The following NPHP3 variants were observed in gnomAD, a reference collection of about 807,000 sequenced individuals.
NPHP3 encodes the protein nephrocystin 3, also known as nephrocystin-3.
Under a neutral mutation model 171.9 loss-of-function variants are expected in NPHP3, and 123 were observed. The ratio of observed to expected loss-of-function variants is 0.72; its 90% confidence interval spans 0.62 to 0.83. The LOEUF (loss-of-function observed/expected upper bound fraction) is 0.83. Ranked by LOEUF, NPHP3 falls within the 40% of genes least tolerant of loss-of-function variation. The probability of loss-of-function intolerance (pLI) is 0.00; values close to 1 mark genes in which losing one functional copy is unlikely to be tolerated. For synonymous variants in NPHP3, 558 were observed against 579.2 expected, an observed-to-expected ratio of 0.96 and a Z score of 0.52; for missense variants, 1,506 against 1,591.9, an observed-to-expected ratio of 0.95 and a Z score of 0.92.
chr3:132,692,752 C>T lies in NPHP3; in HGVS notation c.2377G>A (p.Glu793Lys), dbSNP rs761483276. ...SESELMELYP[E>K]MSWTFLTSLI... ...GAGGTCAAGAAAGTCCAGGACATCT[C>T]AGGATAGAGTTCCATCAGTTCTGAT... The change falls in exon 17 of 27, where the codon GAG (glutamate) becomes AAG (lysine). Residue 793 changes from glutamate (E) to lysine (K), a missense_variant. Transcript: ENST00000337331. 1.2e-6 allele frequency: 2 copies of T among 1,613,960 alleles called. 1 individual carries two copies. Among genetic ancestry groups the T allele is most frequent in the South Asian group, 2.2e-5 (2 of 91,074 alleles).
rs1939733849 is a variant in NPHP3 at position 132,705,868 on chromosome 3, T to G, written c.1276-54A>C. On this transcript the variant is annotated intron_variant, in intron 7 of 26. Coordinates refer to ENST00000337331, the MANE Select transcript of NPHP3 (RefSeq NM_153240.5). Reference sequence around the variant, plus strand: ...GAAAAACCATAATATCAGAAGGAAGTGGTGGTAAATACTTTTATACTGCTT... The same window carrying G: ...GAAAAACCATAATATCAGAAGGAAGGGGTGGTAAATACTTTTATACTGCTT... The G allele has an allele frequency of 4.2e-6, 4 of 944,098 alleles. No individual in the cohort carries two copies. The Admixed American group carries it at 7.2e-5, about 17-fold the overall frequency. 58.5% of individuals were successfully genotyped at this position (944,098 alleles called of 1,614,324 possible).
rs1940240950 is a variant in NPHP3 at position 132,721,994 on chromosome 3, G to C, written c.362C>G (p.Thr121Arg). ...SMGRREAKLD[T>R]ENKRLRAELQ... is the part of the protein sequence containing the mutation. Reference sequence around the variant, plus strand: ...TTCGGCCCGCAGCCGCTTGTTCTCCGTGTCCAGCTTGGCCTCGCGGCGGCC... The same window carrying C: ...TTCGGCCCGCAGCCGCTTGTTCTCCCTGTCCAGCTTGGCCTCGCGGCGGCC... The change falls in exon 1 of 27, where the codon ACG becomes AGG. Residue 121 changes from threonine to arginine, a missense_variant. Transcript: ENST00000337331. 2 of 1,613,166 alleles carry C rather than the reference G, an allele frequency of 1.2e-6. No individual in the cohort carries two copies. Among genetic ancestry groups the C allele is most frequent in the South Asian group, 2.2e-5 (2 of 91,082 alleles).
chr3:132,698,087 T>G (rs1048490268), intron 13 of NPHP3, among the ~76,000 whole-genome samples: 8 of 152,052 alleles, frequency 5.3e-5, no homozygotes, highest in South Asian at 2.1e-4. Context: ...GTTCAAGTGA[T>G]TCTCCTGTCT....
chr3:132,687,306 T>C (rs1560001374), intron 21 of NPHP3, 80 bp from the exon 22 acceptor site: 1 of 692,490 alleles, frequency 1.4e-6, no homozygotes, highest in East Asian at 2.7e-5. Flanking sequence ...ACTCTTTTCA[T>C]AGTGTAAAGT....
chr3:132,693,166 A>C, intron 16 of NPHP3: 1 of 223,892 alleles, frequency 4.5e-6, no homozygotes, highest in South Asian at 6.3e-5. Context: ...AACACGTATG[A>C]ATATCAGACA....
At position 132,701,428 on chromosome 3, in the gene NPHP3, A is replaced by T. The variant is rs1277862520; in HGVS notation, c.1628+2T>A. The stretch of plus-strand genomic sequence containing the variant: ...CAATAATTTAATTGCACTGCATCAT[A>T]CCACTTTGATAAAAGAAGAGACTTC... On this transcript the variant is annotated splice_donor_variant, in intron 10 of 26. Transcript: ENST00000337331. LOFTEE classifies it high-confidence loss of function. The T allele has an allele frequency of 1.3e-6, 2 of 1,579,522 alleles. No individual in the cohort carries two copies. Among genetic ancestry groups the T allele is most frequent in the Non-Finnish European group, 1.7e-6 (2 of 1,148,562 alleles).
At chr3:132,704,501 T>A (rs1939696298) in intron 8 of NPHP3, 130 bp from the exon 9 acceptor site, 1 of 778,044 alleles carries the variant, frequency 1.3e-6, no homozygotes, top group East Asian at 2.4e-5. Flanking sequence ...CTTTGTATAA[T>A]ACCTACAAGA....
chr3:132,696,210 G>A (rs570522387), intron 15 of NPHP3, among the ~76,000 whole-genome samples: 1 of 152,136 alleles, frequency 6.6e-6, no homozygotes, highest in East Asian at 1.9e-4. Context: ...TCTAACGGTT[G>A]AGAATAGATA....
intron 15 of NPHP3, chr3:132,695,298 T>C (rs1446988337): frequency 1.3e-5 from 3 of 233,272 alleles, no homozygotes; most frequent in Non-Finnish European, 2.6e-5. Flanking sequence ...GAAACGATGA[T>C]AAGTATTGTT....
intron 6 of NPHP3, chr3:132,712,447 A>G: frequency 2.2e-6 from 1 of 457,026 alleles, no homozygotes; most frequent in Non-Finnish European, 4.4e-6. Context: ...CAACTTTGCT[A>G]TTATAGTATG....
At position 132,701,523 on chromosome 3, in the gene NPHP3, C is replaced by T. The variant is rs370360273; in HGVS notation, c.1535G>A (p.Arg512His). 1.3e-5 allele frequency: 21 copies of T among 1,610,682 alleles called. No individual in the cohort carries two copies. Among genetic ancestry groups the T allele is most frequent in the South Asian group, 3.3e-5 (3 of 91,002 alleles). The change falls in exon 10 of 27, where the codon CGC becomes CAC. Residue 512 changes from arginine to histidine, a missense_variant. Around this residue, in one of 3 missense-constraint regions of NPHP3, gnomAD observed 930 missense variants for 924.9 expected, o/e 1.01. Coordinates refer to ENST00000337331, the MANE Select transcript of NPHP3 (RefSeq NM_153240.5). ...HELGFEKYYQ[R>H]LNDLVAAPAP... The stretch of plus-strand genomic sequence containing the variant: ...TGGTGCTGCCACTAGATCATTAAGG[C>T]GTTGGTAATACTAGAAAAAAAAATG...
intron 5 of NPHP3, among the ~76,000 whole-genome samples, chr3:132,714,567 TA>T (rs1465736396): frequency 8.2e-5 from 9 of 109,784 alleles, no homozygotes; most frequent in African/African-American, 2.5e-4. Flanking sequence ...AAAAAAAAAA[TA>T]AATAAATTAA....
intron 25 of NPHP3, among the ~76,000 whole-genome samples, 195 bp downstream of exon 25, chr3:132,683,204 A>G (rs1193595834): frequency 1.3e-5 from 2 of 152,218 alleles, no homozygotes; most frequent in Non-Finnish European, 2.9e-5. Flanking sequence ...CTCTGAACTA[A>G]CAGTGTTTTA....
intron 7 of NPHP3, among the ~76,000 whole-genome samples, chr3:132,707,869 G>A (rs1373349690): frequency 6.6e-6 from 1 of 152,110 alleles, no homozygotes; most frequent in Non-Finnish European, 1.5e-5. Context: ...TTATAGTCCT[G>A]CAGTGGCTCC....
intron 7 of NPHP3, 108 bp downstream of exon 7, chr3:132,707,993 G>T: frequency 9.6e-7 from 1 of 1,045,914 alleles, no homozygotes; most frequent in Non-Finnish European, 1.5e-6. Context: ...CAGCCACACT[G>T]GTTTCTCTCC....
chr3:132,714,872 AAAAT>A (rs1287140365), intron 5 of NPHP3, among the ~76,000 whole-genome samples: 1 of 152,218 alleles, frequency 6.6e-6, no homozygotes, highest in Admixed American at 6.5e-5. Context: ...CCAGAAAGTA[AAAAT>A]AAATAAATAA....
chr3:132,721,636 C>A, intron 1 of NPHP3: 1 of 468,768 alleles, frequency 2.1e-6, no homozygotes, highest in Non-Finnish European at 4.0e-6. Context: ...AATGAATAAA[C>A]CAGAAATAGA....
intron 3 of NPHP3, among the ~76,000 whole-genome samples, chr3:132,718,457 G>C (rs186147375): frequency 1.5e-3 from 231 of 152,296 alleles, no homozygotes; most frequent in Non-Finnish European, 2.6e-3. Context: ...TAGTTGCAAA[G>C]AATACATCAT....
At chr3:132,698,716 C>T (rs971629467) in intron 13 of NPHP3, among the ~76,000 whole-genome samples, 5 of 152,204 alleles carry the variant, frequency 3.3e-5, no homozygotes, top group Non-Finnish European at 7.3e-5. Context: ...CGTGGAGCTA[C>T]TCAAACTAAC....
Sources: allele counts gnomAD v4.1 joint callset (sites outside exome capture counted in the v4.1 genomes callset), GRCh38; gene constraint gnomAD v4.1.1; regional missense constraint gnomAD v4.1.1; transcripts MANE v1.5; gene names NCBI Gene and HGNC (gene_info 2026-07-23, HGNC 2026-07-21).